The following KSR2 variants were observed in gnomAD, a reference collection of about 807,000 sequenced individuals.
KSR2 encodes kinase suppressor of ras 2.
A neutral mutation model predicts 107.8 loss-of-function variants in KSR2; 25 were observed. The observed-to-expected ratio is 0.23, with a 90% CI of 0.17 to 0.32. The LOEUF (loss-of-function observed/expected upper bound fraction) is 0.32. Among genes scored for constraint, KSR2 ranks in the 10% least tolerant of loss-of-function variants. The pLI is 1.00. For synonymous variants in KSR2, 480 were observed against 507.0 expected (o/e 0.95, Z 0.71); for missense variants, 887 against 1,268.9 (o/e 0.70, Z 4.57).
At chr12:117,670,045 T>A (rs1214043532) in intron 4 of KSR2, among the ~76,000 whole-genome samples, 2 of 152,148 alleles carry the variant, frequency 1.3e-5, no homozygotes, top group Non-Finnish European at 2.9e-5. Flanking sequence ...GAGGCGAAAT[T>A]ATTCCATTTC....
At chr12:117,648,964 A>G (rs1565943643) in intron 5 of KSR2, among the ~76,000 whole-genome samples, 1 of 152,196 alleles carries the variant, frequency 6.6e-6, no homozygotes, top group Non-Finnish European at 1.5e-5. Context: ...CTGAATGTCT[A>G]CGCTGCCTGT....
Position 117,927,938 on chromosome 12 carries a change from C to A in KSR2, c.180+40138G>T, listed in dbSNP as rs553725538. 5.9e-5 allele frequency among the ~76,000 whole-genome samples: 9 copies of A among 152,090 alleles called. No individual in the cohort carries two copies. In the East Asian group the frequency reaches 1.7e-3, roughly 29 times the overall value. ...CCATCACTACCATCCATCCATAGAA[C>A]CTTTTCATCCTCCCAAAATGAAATT... On this transcript the variant is annotated intron_variant, in intron 1 of 19. Coordinates refer to ENST00000339824, the MANE Select transcript of KSR2 (RefSeq NM_173598.6).
intron 4 of KSR2, among the ~76,000 whole-genome samples, chr12:117,698,196 T>C (rs1179938444): frequency 6.6e-6 from 1 of 152,222 alleles, no homozygotes; most frequent in Non-Finnish European, 1.5e-5. Flanking sequence ...TTCTGTTGTT[T>C]AAGGCATCCA....
chr12:117,693,001 T>C (rs910470728), intron 4 of KSR2, among the ~76,000 whole-genome samples: 7 of 152,226 alleles, frequency 4.6e-5, no homozygotes, highest in Non-Finnish European at 7.3e-5. Context: ...ACACTGTGAC[T>C]GTACCAAAGG....
chr12:117,845,282 C>T (rs936863206), intron 3 of KSR2, among the ~76,000 whole-genome samples: 3 of 152,170 alleles, frequency 2.0e-5, no homozygotes, highest in African/African-American at 7.2e-5. Context: ...GAGACACAGA[C>T]CCACGCAGCC....
chr12:117,828,024 A>G (rs993404003), intron 3 of KSR2, among the ~76,000 whole-genome samples: 4 of 152,218 alleles, frequency 2.6e-5, no homozygotes, highest in Non-Finnish European at 4.4e-5. Flanking sequence ...GAAAAAATGT[A>G]GCAGGGACTC....
At chr12:117,473,015 A>C (rs577858099) in intron 17 of KSR2, among the ~76,000 whole-genome samples, 1 of 152,260 alleles carries the variant, frequency 6.6e-6, no homozygotes, top group Non-Finnish European at 1.5e-5. Context: ...CTACCTCCTT[A>C]ATTGGGCTTT....
rs546188012 is a variant in KSR2, at chr12:117,873,461, C to CTT, written c.181-13032_181-13031dup. On this transcript the variant is annotated intron_variant, in intron 1 of 19. Coordinates refer to ENST00000339824, the MANE Select transcript of KSR2 (RefSeq NM_173598.6). ...CGTTCATTTAAAGATGTTCATGGTG[C>CTT]TTTTTTTTTTTTTTTTTGAGATGGA... Among the ~76,000 whole-genome samples the CTT allele has an allele frequency of 7.5e-3, 899 of 119,466 alleles. 64 individuals carry two copies. Among genetic ancestry groups the CTT allele is most frequent in the African/African-American group, 0.024 (749 of 31,000 alleles). 78.4% of individuals were successfully genotyped at this position (119,466 alleles called of 152,430 possible).
rs1870509756 is a variant in KSR2, at chr12:117,454,699, T to A, written c.*12500A>T. 1 of 152,174 alleles carries A rather than the reference T, an allele frequency of 6.6e-6. No homozygotes were observed. The highest frequency in any genetic ancestry group is 1.5e-5 in the Non-Finnish European group (1 of 68,036). The allele number at this position is 152,174 out of a possible 1,614,324, so 9.4% of individuals were successfully genotyped here. A position where few individuals can be genotyped will look rare whatever the true frequency, so the allele number is the denominator to read the frequency against. ...AAATACATTTCCACGTTCACACATGTCCTTGACCTCAACACTTCAGGGGCC... is the reference window on the plus strand; with the variant it reads ...AAATACATTTCCACGTTCACACATGACCTTGACCTCAACACTTCAGGGGCC... On this transcript the variant is annotated 3_prime_UTR_variant, in exon 20 of 20. Transcript: ENST00000339824.
Position 117,585,887 on chromosome 12 carries a change from C to T in KSR2, c.1172-3528G>A, listed in dbSNP as rs572399193. ...AGGAGTAGAATAATAGACATTTCTC[C>T]GTAGATATTTTCATTTCTAGTGCAT... On this transcript the variant is annotated intron_variant, in intron 5 of 19. Coordinates refer to ENST00000339824, the MANE Select transcript of KSR2 (RefSeq NM_173598.6). 5.3e-5 allele frequency among the ~76,000 whole-genome samples: 8 copies of T among 152,272 alleles called. No homozygotes were observed. In the South Asian group the frequency reaches 1.5e-3, roughly 28 times the overall value.
chr12:117,956,249 C>CA (rs59662300), intron 1 of KSR2, among the ~76,000 whole-genome samples: 637 of 47,440 alleles, frequency 0.013, 20 homozygotes, highest in Middle Eastern at 0.022. Context: ...GACTCTGTCT[C>CA]AAAAAAAAAA....
chr12:117,960,964 T>A (rs922858664), intron 1 of KSR2, among the ~76,000 whole-genome samples: 1 of 151,946 alleles, frequency 6.6e-6, no homozygotes, highest in Non-Finnish European at 1.5e-5. Flanking sequence ...CACACCTGAC[T>A]AATTTTTGTA....
At chr12:117,818,923 A>G (rs73404809) in intron 3 of KSR2, among the ~76,000 whole-genome samples, 6,155 of 152,264 alleles carry the variant, frequency 0.04, 413 homozygotes, top group African/African-American at 0.14. Context: ...GGCTATCATG[A>G]AGCATGACAT....
intron 4 of KSR2, among the ~76,000 whole-genome samples, chr12:117,726,552 GA>G (rs1887433082): frequency 6.6e-6 from 1 of 152,304 alleles, no homozygotes; most frequent in African/African-American, 2.4e-5. Context: ...CCAGGTGCCA[GA>G]TGCTAGAAGC....
chr12:117,527,332 CACACACACACACACAG>C, intron 12 of KSR2, among the ~76,000 whole-genome samples: 1 of 132,054 alleles, frequency 7.6e-6, no homozygotes, highest in Admixed American at 7.0e-5. Context: ...CACAGACACA[CACACACACACACACAG>C]ACACACACAC....
At position 117,746,141 on chromosome 12, in the gene KSR2, A is replaced by G. The variant is rs559824388; in HGVS notation, c.986+14870T>C. On this transcript the variant is annotated intron_variant, in intron 4 of 19. Transcript: ENST00000339824. ...ATAGCCAAGACAATCCTAAGCAAAAAGAACTAAGCTGGAGGCATCACGCTA... is the reference window on the plus strand; with the variant it reads ...ATAGCCAAGACAATCCTAAGCAAAAGGAACTAAGCTGGAGGCATCACGCTA... Among the ~76,000 whole-genome samples the G allele has an allele frequency of 4.6e-5, 7 of 152,350 alleles. No homozygotes were observed. The South Asian group carries it at 1.2e-3, about 27-fold the overall frequency.
At chr12:117,576,019 C>T (rs568730695) in intron 7 of KSR2, among the ~76,000 whole-genome samples, 106 of 152,150 alleles carry the variant, frequency 7.0e-4, no homozygotes, top group African/African-American at 2.4e-3. Context: ...TGAAGCTTAC[C>T]CCCCCACCCT....
intron 19 of KSR2, 32 bp downstream of exon 19, chr12:117,469,630 A>T (rs1449197164): frequency 1.2e-6 from 2 of 1,606,772 alleles, no homozygotes; most frequent in Non-Finnish European, 1.7e-6. Flanking sequence ...AGGACAAGGC[A>T]GTGGGGAGAG....
At chr12:117,854,140 G>T (rs1893015225) in intron 3 of KSR2, among the ~76,000 whole-genome samples, 1 of 152,166 alleles carries the variant, frequency 6.6e-6, no homozygotes, top group African/African-American at 2.4e-5. Flanking sequence ...GAGTAGCTGG[G>T]ACTACAGGCG....
Sources: allele counts gnomAD v4.1 joint callset (sites outside exome capture counted in the v4.1 genomes callset), GRCh38; gene constraint gnomAD v4.1.1; transcripts MANE v1.5; gene names NCBI Gene and HGNC (gene_info 2026-07-23, HGNC 2026-07-21).